The following KAT2B variants were observed in gnomAD, a reference collection of about 807,000 sequenced individuals.
KAT2B encodes histone acetyltransferase KAT2B.
Under a neutral mutation model 105.9 loss-of-function variants are expected in KAT2B, and 36 were observed. The observed-to-expected ratio is 0.34, with a 90% confidence interval of 0.26 to 0.45. The LOEUF is 0.45. KAT2B is among the 20% of genes least tolerant of loss of function. The pLI is 1.00. For missense variants in KAT2B, 820 were observed against 1,021.6 expected (o/e 0.80, Z 2.69); for synonymous variants, 397 against 377.9 (o/e 1.05, Z -0.59).
chr3:20,097,773 G>A (rs1229466577), intron 3 of KAT2B, among the ~76,000 whole-genome samples: 1 of 152,016 alleles, frequency 6.6e-6, no homozygotes, highest in Non-Finnish European at 1.5e-5. Context: ...CTAGCCTCAA[G>A]TGATCTCCCC....
At chr3:20,136,372 G>C (rs1156467623) in intron 11 of KAT2B, among the ~76,000 whole-genome samples, 1 of 152,164 alleles carries the variant, frequency 6.6e-6, no homozygotes, top group Non-Finnish European at 1.5e-5. Context: ...CTGATTCAGA[G>C]ATTCTGGGCT....
intron 1 of KAT2B, among the ~76,000 whole-genome samples, chr3:20,044,234 A>G (rs1697767086): frequency 6.6e-6 from 1 of 151,852 alleles, no homozygotes; most frequent in South Asian, 2.1e-4. Context: ...TAATCCCAGC[A>G]CTTTGGGAGG....
At chr3:20,069,479 G>A (rs1442906663) in intron 1 of KAT2B, among the ~76,000 whole-genome samples, 1 of 151,606 alleles carries the variant, frequency 6.6e-6, no homozygotes, top group African/African-American at 2.4e-5. Context: ...TCCTGCTTCT[G>A]GGGATATAGG....
At chr3:20,069,825 G>A (rs1315752962) in intron 1 of KAT2B, among the ~76,000 whole-genome samples, 5 of 152,094 alleles carry the variant, frequency 3.3e-5, no homozygotes, top group Admixed American at 1.3e-4. Context: ...CACTGCGCCC[G>A]GCCAAGCTTT....
chr3:20,100,666 C>CT (rs1698894680), intron 4 of KAT2B, among the ~76,000 whole-genome samples: 1 of 151,936 alleles, frequency 6.6e-6, no homozygotes, highest in Admixed American at 6.6e-5. Context: ...CCTCCAAACT[C>CT]TATTAAATAA....
intron 2 of KAT2B, among the ~76,000 whole-genome samples, chr3:20,073,246 C>T (rs1269567793): frequency 1.3e-5 from 2 of 152,132 alleles, no homozygotes; most frequent in East Asian, 3.8e-4. Context: ...TACAGTCTCC[C>T]CCAAAATGTC....
intron 3 of KAT2B, among the ~76,000 whole-genome samples, chr3:20,098,666 GA>G (rs1190319639): frequency 6.6e-6 from 1 of 151,918 alleles, no homozygotes; most frequent in Non-Finnish European, 1.5e-5. Context: ...TTTAACTGGG[GA>G]AAAAAAGTAA....
intron 2 of KAT2B, among the ~76,000 whole-genome samples, chr3:20,076,664 C>A (rs545755273): frequency 6.6e-6 from 1 of 152,278 alleles, no homozygotes; most frequent in East Asian, 1.9e-4. Flanking sequence ...TGTATCTAAC[C>A]CCCTGCTTTT....
At chr3:20,107,016 T>TATATATATATA (rs1559316269) in intron 5 of KAT2B, among the ~76,000 whole-genome samples, 1 of 22,528 alleles carries the variant, frequency 4.4e-5, no homozygotes, top group Non-Finnish European at 7.7e-5. Flanking sequence ...TATATATATA[T>TATATATATATA]TTTTTTTTTT....
At chr3:20,043,331 G>A (rs1399469178) in intron 1 of KAT2B, among the ~76,000 whole-genome samples, 1 of 152,200 alleles carries the variant, frequency 6.6e-6, no homozygotes, top group African/African-American at 2.4e-5. Flanking sequence ...GTTACTTATT[G>A]TGTGTGTGCA....
chr3:20,058,402 C>T (rs1698037530), intron 1 of KAT2B, among the ~76,000 whole-genome samples: 1 of 147,192 alleles, frequency 6.8e-6, no homozygotes, highest in African/African-American at 2.5e-5. Context: ...TTGCAGTGAG[C>T]CGAGATTGCG....
rs370033994 is a variant in KAT2B, at chr3:20,078,109, G to A, written c.430+5650G>A. Among the ~76,000 whole-genome samples the A allele has an allele frequency of 2.0e-5, 3 of 152,248 alleles. No homozygotes were observed. The East Asian group carries it at 5.8e-4, about 29-fold the overall frequency. On this transcript the variant is annotated intron_variant, in intron 2 of 17. Coordinates refer to ENST00000263754, the MANE Select transcript of KAT2B (RefSeq NM_003884.5). ...AGGGAGGATGGCCTGAGCCTGGGAG[G>A]CAGAGGTTTCAGTGGGCCGAGATCG...
At chr3:20,121,729 CATATGTGTGTGTGT>C (rs1213212335) in intron 8 of KAT2B, among the ~76,000 whole-genome samples, 22,273 of 120,320 alleles carry the variant, frequency 0.19, 1,911 homozygotes, top group Non-Finnish European at 0.22. Flanking sequence ...TACACATATG[CATATGTGTGTGTGT>C]GTGTGTGTGT....
At chr3:20,112,758 A>G (rs1203645486) in intron 6 of KAT2B, among the ~76,000 whole-genome samples, 1 of 152,212 alleles carries the variant, frequency 6.6e-6, no homozygotes, top group Non-Finnish European at 1.5e-5. Flanking sequence ...ATATTCTTTG[A>G]TCAAAGATTG....
intron 1 of KAT2B, among the ~76,000 whole-genome samples, chr3:20,046,299 G>A (rs1270880116): frequency 1.3e-5 from 2 of 152,080 alleles, no homozygotes; most frequent in Admixed American, 1.3e-4. Context: ...GAAAAAATAG[G>A]CCCAGGGCAT....
intron 1 of KAT2B, among the ~76,000 whole-genome samples, chr3:20,050,278 A>G (rs763660261): frequency 4.6e-5 from 7 of 152,142 alleles, no homozygotes; most frequent in Non-Finnish European, 1.0e-4. Context: ...TCAACATGAT[A>G]AAAAGGAGTC....
At chr3:20,132,987 A>G (rs1699537561) in intron 11 of KAT2B, among the ~76,000 whole-genome samples, 1 of 152,236 alleles carries the variant, frequency 6.6e-6, no homozygotes, top group Non-Finnish European at 1.5e-5. Context: ...GTGCACATGC[A>G]ATTCACTCCA....
intron 1 of KAT2B, among the ~76,000 whole-genome samples, chr3:20,062,268 TATATAATATATAAA>T (rs1698142936): frequency 1.6e-5 from 1 of 64,454 alleles, no homozygotes; most frequent in Non-Finnish European, 2.9e-5. Context: ...TGATATATAA[TATATAATATATAAA>T]ATATAATATA....
At chr3:20,114,674 CAA>C (rs1007750908) in intron 6 of KAT2B, among the ~76,000 whole-genome samples, 24 of 152,186 alleles carry the variant, frequency 1.6e-4, no homozygotes, top group African/African-American at 5.3e-4. Context: ...TATGCAGGGT[CAA>C]AAGAGTAAAC....
Sources: gnomAD v4.1 joint callset for allele counts (sites outside exome capture counted in the v4.1 genomes callset) on GRCh38, gnomAD v4.1.1 for gene constraint, MANE v1.5 for transcripts, NCBI Gene and HGNC (gene_info 2026-07-23, HGNC 2026-07-21) for gene names.